Variants in PIWIL2 observed in about 807,000 individuals in gnomAD.
The protein encoded by PIWIL2 is piwi-like protein 2.
PIWIL2 carries 81 observed loss-of-function variants against 116.5 expected under a neutral mutation model. The ratio of observed to expected loss-of-function variants is 0.70; its 90% CI spans 0.58 to 0.84. The LOEUF is 0.84. Ranked by LOEUF, PIWIL2 falls within the 40% of genes least tolerant of loss-of-function variation. The probability of loss-of-function intolerance (pLI) is 0.00; values close to 1 mark genes in which losing one functional copy is unlikely to be tolerated. For synonymous variants in PIWIL2, 489 were observed against 429.5 expected, an observed-to-expected ratio of 1.14 and a Z score of -1.71; for missense variants, 1,272 against 1,212.3, an observed-to-expected ratio of 1.05 and a Z score of -0.73.
intron 6 of PIWIL2, among the ~76,000 whole-genome samples, chr8:22,284,561 C>T (rs1224165993): frequency 1.3e-5 from 2 of 152,068 alleles, no homozygotes; most frequent in African/African-American, 4.8e-5. Context: ...CCTTTTAAAA[C>T]TTGCATTAGG....
intron 11 of PIWIL2, among the ~76,000 whole-genome samples, chr8:22,304,502 TTGAC>T (rs1223991453): frequency 6.6e-6 from 1 of 152,226 alleles, no homozygotes. Context: ...CATTAATCAT[TTGAC>T]TGTCATTTCA....
intron 3 of PIWIL2, 33 bp from the exon 4 acceptor site, chr8:22,281,344 T>C (rs1207032491): frequency 1.9e-6 from 3 of 1,596,554 alleles, no homozygotes; most frequent in Admixed American, 1.9e-5. Context: ...GTTTAAGTCA[T>C]AGTCATTGCT....
At position 22,283,138 on chromosome 8, in the gene PIWIL2, C is replaced by A. The variant is rs202202138; in HGVS notation, c.530C>A (p.Pro177Gln). Residue 177 changes from proline to glutamine, a missense_variant, in exon 5 of 23, where the codon CCG (proline) becomes CAG (glutamine). Transcript: ENST00000356766. The part of the protein sequence containing the change: ...VDKPPCTFST[P>Q]SRGPPQLSSP... Reference sequence around the variant, plus strand: ...AAGCCTCCCTGTACCTTCAGCACACCGTCCCGGGGTCCCCCGCAGCTGTCA... The same window carrying A: ...AAGCCTCCCTGTACCTTCAGCACACAGTCCCGGGGTCCCCCGCAGCTGTCA... 7.4e-6 allele frequency: 12 copies of A among 1,613,964 alleles called. No individual in the cohort carries two copies. The highest frequency in any genetic ancestry group is 1.3e-5 in the African/African-American group (1 of 74,922).
intron 20 of PIWIL2, among the ~76,000 whole-genome samples, chr8:22,342,791 C>A (rs1005491960): frequency 1.3e-5 from 2 of 151,962 alleles, no homozygotes; most frequent in African/African-American, 4.8e-5. Context: ...TTAAAAACTT[C>A]TGGGAAACAC....
chr8:22,313,837 G>T (rs1183350983), intron 16 of PIWIL2, among the ~76,000 whole-genome samples: 2 of 152,200 alleles, frequency 1.3e-5, no homozygotes, highest in African/African-American at 4.8e-5. Flanking sequence ...GGCTGCTCAT[G>T]AATTTGGCAA....
chr8:22,330,369 G>A (rs759685479), intron 20 of PIWIL2, among the ~76,000 whole-genome samples: 12 of 152,078 alleles, frequency 7.9e-5, no homozygotes, highest in Admixed American at 1.3e-4. Flanking sequence ...AAGGTCTTAA[G>A]ACATGGTTTC....
intron 7 of PIWIL2, among the ~76,000 whole-genome samples, chr8:22,288,298 CAAAAA>C (rs5890028): frequency 2.9e-5 from 3 of 102,228 alleles, no homozygotes; most frequent in East Asian, 5.1e-4. Context: ...ACTCTGTCTC[CAAAAA>C]AAAAAAAAAA....
chr8:22,337,145 A>T (rs1485400077), intron 20 of PIWIL2, among the ~76,000 whole-genome samples: 2 of 152,220 alleles, frequency 1.3e-5, no homozygotes, highest in Non-Finnish European at 2.9e-5. Flanking sequence ...CTATGAAGTC[A>T]GTATTACTCT....
At chr8:22,301,967 A>G (rs1262191413) in intron 10 of PIWIL2, among the ~76,000 whole-genome samples, 2 of 152,096 alleles carry the variant, frequency 1.3e-5, no homozygotes, top group Admixed American at 6.5e-5. Context: ...TTAAGGCACA[A>G]ATGTCCCTCT....
intron 20 of PIWIL2, among the ~76,000 whole-genome samples, chr8:22,318,619 A>G (rs1374558282): frequency 1.3e-5 from 2 of 152,048 alleles, no homozygotes; most frequent in Non-Finnish European, 2.9e-5. Context: ...CGCCTGGCCA[A>G]GTTTCTGGGA....
At chr8:22,308,929 G>C (rs1437353426) in intron 14 of PIWIL2, among the ~76,000 whole-genome samples, 1 of 152,006 alleles carries the variant, frequency 6.6e-6, no homozygotes, top group African/African-American at 2.4e-5. Flanking sequence ...AGGAGTACAG[G>C]TGTGAGCCAC....
chr8:22,327,980 T>C lies in PIWIL2; in HGVS notation c.2403+9705T>C, dbSNP rs558697002. Among the ~76,000 whole-genome samples, 9 of 152,330 alleles carry C rather than the reference T, an allele frequency of 5.9e-5. No individual in the cohort carries two copies. In the South Asian group the frequency reaches 1.9e-3, roughly 32 times the overall value. On this transcript the variant is annotated intron_variant, in intron 20 of 22. Coordinates refer to ENST00000356766, the MANE Select transcript of PIWIL2 (RefSeq NM_018068.5). Reference sequence around the variant, plus strand: ...AACATGCAATTTATCTATTGTATCTTTTGTTCCTTATGGTTTTGGTGCTCA... The same window carrying C: ...AACATGCAATTTATCTATTGTATCTCTTGTTCCTTATGGTTTTGGTGCTCA...
intron 20 of PIWIL2, among the ~76,000 whole-genome samples, chr8:22,331,890 A>G (rs1300414545): frequency 6.6e-6 from 1 of 152,094 alleles, no homozygotes; most frequent in Non-Finnish European, 1.5e-5. Context: ...TGTGTAAAAA[A>G]CAGTCACATT....
chr8:22,286,683 A>G (rs1795480005), intron 6 of PIWIL2, among the ~76,000 whole-genome samples: 1 of 152,156 alleles, frequency 6.6e-6, no homozygotes, highest in African/African-American at 2.4e-5. Flanking sequence ...GTGCAGTGGC[A>G]CAGTCTTGCC....
chr8:22,330,814 T>C (rs1355411571), intron 20 of PIWIL2, among the ~76,000 whole-genome samples: 2 of 152,146 alleles, frequency 1.3e-5, no homozygotes, highest in East Asian at 3.9e-4. Context: ...TGTTGACTTT[T>C]TTTCCCCATG....
chr8:22,339,581 C>G (rs7012457), intron 20 of PIWIL2, among the ~76,000 whole-genome samples: 75,119 of 151,884 alleles, frequency 0.49, 20,350 homozygotes, highest in East Asian at 0.82. Context: ...ATATTAGGCA[C>G]CAGTTGATTA....
chr8:22,309,873 G>T lies in PIWIL2; in HGVS notation c.1687-88G>T, dbSNP rs79513486. The T allele has an allele frequency of 7.1e-3, 5,155 of 722,190 alleles. 169 individuals are homozygous for T. In the African/African-American group the frequency reaches 0.075, roughly 10 times the overall value. The allele number at this position is 722,190 out of a possible 1,614,324, so 44.7% of individuals were successfully genotyped here. ...AACAGGGACAAGTGTCTGTGGTGGAGCTGAGCAGGCCTTATAGAGCAGTAG... is the reference window on the plus strand; with the variant it reads ...AACAGGGACAAGTGTCTGTGGTGGATCTGAGCAGGCCTTATAGAGCAGTAG... On this transcript the variant is annotated intron_variant, in intron 14 of 22. Transcript: ENST00000356766.
At chr8:22,299,122 T>C (rs1002984821) in intron 10 of PIWIL2, among the ~76,000 whole-genome samples, 1 of 152,212 alleles carries the variant, frequency 6.6e-6, no homozygotes, top group African/African-American at 2.4e-5. Context: ...TTTTATGGTT[T>C]AGTTTCTTAG....
At position 22,316,283 on chromosome 8, in the gene PIWIL2, C is replaced by A; in HGVS notation, c.2247C>A (p.Asp749Glu). 1 of 1,613,350 alleles carries A rather than the reference C, an allele frequency of 6.2e-7. No individual in the cohort carries two copies. The highest frequency in any genetic ancestry group is 1.3e-5 in the African/African-American group (1 of 74,984). Residue 749 changes from aspartate to glutamate, a missense_variant, in exon 19 of 23, where the codon GAC becomes GAA. Coordinates refer to ENST00000356766, the MANE Select transcript of PIWIL2 (RefSeq NM_018068.5). ...TGATCGGGATGGATGTTTACCATGA[C>A]CCCAGTAGAGGCATGCGCTCCGTGG... The part of the protein sequence containing the change: ...LMVIGMDVYH[D>E]PSRGMRSVVG...
Sources: gnomAD v4.1 joint callset for allele counts (sites outside exome capture counted in the v4.1 genomes callset) on GRCh38, gnomAD v4.1.1 for gene constraint, MANE v1.5 for transcripts, NCBI Gene and HGNC (gene_info 2026-07-23, HGNC 2026-07-21) for gene names.